The following CDKAL1 variants were observed in gnomAD, a reference collection of about 807,000 sequenced individuals.
CDKAL1 encodes the protein CDKAL1 threonylcarbamoyladenosine tRNA methylthiotransferase, also known as threonylcarbamoyladenosine tRNA methylthiotransferase.
In CDKAL1, 32 loss-of-function variants were observed where a neutral mutation model predicts 68.2. The observed-to-expected ratio is 0.47, with a 90% CI of 0.35 to 0.63. The LOEUF is 0.63. CDKAL1 is among the 30% of genes least tolerant of loss of function. CDKAL1 has a pLI of 0.00. For missense variants in CDKAL1, 606 were observed against 696.7 expected, an observed-to-expected ratio of 0.87 and a Z score of 1.47; for synonymous variants, 234 against 244.3, an observed-to-expected ratio of 0.96 and a Z score of 0.39.
intron 12 of CDKAL1, among the ~76,000 whole-genome samples, chr6:21,105,947 T>G (rs1773824081): frequency 6.6e-6 from 1 of 152,192 alleles, no homozygotes; most frequent in South Asian, 2.1e-4. Flanking sequence ...ATTCTAACCT[T>G]TAAATAGAAG....
At chr6:20,572,980 G>A (rs1764764563) in intron 4 of CDKAL1, among the ~76,000 whole-genome samples, 7 of 152,054 alleles carry the variant, frequency 4.6e-5, no homozygotes. Context: ...TTCTAGTCTT[G>A]CTTTTATTGG....
intron 4 of CDKAL1, among the ~76,000 whole-genome samples, chr6:20,587,512 C>T (rs985642391): frequency 9.4e-5 from 14 of 148,240 alleles, no homozygotes; most frequent in East Asian, 8.3e-4. Context: ...GTGGGAGGAT[C>T]GCTTTAGCCC....
chr6:20,581,335 T>C (rs980605355), intron 4 of CDKAL1, among the ~76,000 whole-genome samples: 1 of 152,176 alleles, frequency 6.6e-6, no homozygotes, highest in African/African-American at 2.4e-5. Context: ...ATAGAGTCCA[T>C]GCAATATACA....
intron 12 of CDKAL1, among the ~76,000 whole-genome samples, chr6:21,098,510 T>TTATGAGG (rs1431923952): frequency 6.6e-6 from 1 of 150,700 alleles, no homozygotes; most frequent in Non-Finnish European, 1.5e-5. Context: ...AACTGAAATG[T>TTATGAGG]TATGAGGTTA....
In CDKAL1 at chr6:21,217,699, T is replaced by C. The variant is rs543418339; in HGVS notation, c.1549-13149T>C. 2.6e-5 allele frequency among the ~76,000 whole-genome samples: 4 copies of C among 152,262 alleles called. No individual in the cohort carries two copies. The East Asian group carries it at 7.7e-4, about 29-fold the overall frequency. On this transcript the variant is annotated intron_variant, in intron 15 of 15. Transcript: ENST00000274695. Reference sequence around the variant, plus strand: ...TTTTAGTAGAGACAGGGTTTTGCCATGTTGGCCACACTGGTCTCGAACTCC... The same window carrying C: ...TTTTAGTAGAGACAGGGTTTTGCCACGTTGGCCACACTGGTCTCGAACTCC...
chr6:20,888,664 T>C (rs1160231252), intron 9 of CDKAL1, among the ~76,000 whole-genome samples: 2 of 151,480 alleles, frequency 1.3e-5, no homozygotes, highest in African/African-American at 4.9e-5. Context: ...AATGATGATT[T>C]CCAGTTTCAT....
At chr6:20,948,955 T>G (rs1764392154) in intron 9 of CDKAL1, among the ~76,000 whole-genome samples, 1 of 152,238 alleles carries the variant, frequency 6.6e-6, no homozygotes, top group Admixed American at 6.5e-5. Flanking sequence ...TAAACAGTAT[T>G]CTTTCTGATT....
At chr6:21,185,166 A>T (rs1297723791) in intron 13 of CDKAL1, among the ~76,000 whole-genome samples, 5 of 151,844 alleles carry the variant, frequency 3.3e-5, no homozygotes, top group African/African-American at 1.2e-4. Context: ...ACTTGCAGAC[A>T]TGGCAATGTT....
At chr6:21,134,201 C>G (rs1259438360) in intron 13 of CDKAL1, among the ~76,000 whole-genome samples, 2 of 152,104 alleles carry the variant, frequency 1.3e-5, no homozygotes, top group African/African-American at 2.4e-5. Flanking sequence ...AAAGTTTGCT[C>G]CAGATTTAGG....
chr6:21,226,997 G>A (rs529761624), intron 15 of CDKAL1, among the ~76,000 whole-genome samples: 51 of 152,358 alleles, frequency 3.3e-4, no homozygotes, highest in Middle Eastern at 3.4e-3. Flanking sequence ...GTGAGCCACC[G>A]CACCCAGCCC....
At chr6:20,833,692 A>C (rs1003272026) in intron 8 of CDKAL1, among the ~76,000 whole-genome samples, 5 of 152,218 alleles carry the variant, frequency 3.3e-5, no homozygotes, top group African/African-American at 4.8e-5. Flanking sequence ...GGAATGGTAA[A>C]CACCCCCTGT....
intron 8 of CDKAL1, among the ~76,000 whole-genome samples, chr6:20,821,162 CTT>C (rs1164730581): frequency 2.0e-5 from 3 of 152,092 alleles, no homozygotes; most frequent in Non-Finnish European, 4.4e-5. Flanking sequence ...CCAGAGCAGA[CTT>C]TGCATTTTAT....
At chr6:20,945,451 T>C (rs1764192855) in intron 9 of CDKAL1, among the ~76,000 whole-genome samples, 1 of 152,208 alleles carries the variant, frequency 6.6e-6, no homozygotes, top group East Asian at 1.9e-4. Context: ...AATTATCATA[T>C]TTATAATTAT....
intron 10 of CDKAL1, among the ~76,000 whole-genome samples, chr6:20,996,696 C>T (rs181632395): frequency 1.3e-5 from 2 of 152,208 alleles, no homozygotes; most frequent in African/African-American, 2.4e-5. Flanking sequence ...TAAAATATTG[C>T]AAGAATTACC....
At chr6:20,822,615 A>T (rs535732678) in intron 8 of CDKAL1, among the ~76,000 whole-genome samples, 1 of 152,108 alleles carries the variant, frequency 6.6e-6, no homozygotes, top group African/African-American at 2.4e-5. Flanking sequence ...CATAATCCCC[A>T]TGTGTCACGG....
At chr6:21,209,528 C>A (rs1779072401) in intron 15 of CDKAL1, among the ~76,000 whole-genome samples, 1 of 152,132 alleles carries the variant, frequency 6.6e-6, no homozygotes, top group African/African-American at 2.4e-5. Flanking sequence ...GGCTGTTCCT[C>A]TGGTAATACT....
chr6:20,910,386 C>T (rs1413426905), intron 9 of CDKAL1, among the ~76,000 whole-genome samples: 1 of 152,206 alleles, frequency 6.6e-6, no homozygotes, highest in Non-Finnish European at 1.5e-5. Flanking sequence ...ACAGGAGGCT[C>T]ATGGGATATG....
At chr6:20,814,231 T>A (rs1318750804) in intron 8 of CDKAL1, among the ~76,000 whole-genome samples, 1 of 152,070 alleles carries the variant, frequency 6.6e-6, no homozygotes, top group Non-Finnish European at 1.5e-5. Flanking sequence ...TTTGTTACTA[T>A]TATATAAAAA....
intron 11 of CDKAL1, among the ~76,000 whole-genome samples, chr6:21,062,983 C>T (rs1004469916): frequency 7.9e-5 from 12 of 152,234 alleles, no homozygotes; most frequent in African/African-American, 1.7e-4. Context: ...GGCGCGATGT[C>T]GGCTCACTGC....
Sources: allele counts gnomAD v4.1 joint callset (sites outside exome capture counted in the v4.1 genomes callset), GRCh38; gene constraint gnomAD v4.1.1; transcripts MANE v1.5; gene names NCBI Gene and HGNC (gene_info 2026-07-23, HGNC 2026-07-21).